CCDC38: variants seen among roughly 807,000 people sequenced by gnomAD.
CCDC38 encodes the protein coiled-coil domain-containing protein 38.
Under a neutral mutation model 72.8 loss-of-function variants are expected in CCDC38, and 69 were observed. That is an observed-to-expected ratio of 0.95 (90% CI 0.78 to 1.16). The LOEUF is 1.16. CCDC38 is among the 50% of genes most tolerant of loss of function. The probability of loss-of-function intolerance (pLI) is 0.00; values close to 1 mark genes in which losing one functional copy is unlikely to be tolerated. For synonymous variants in CCDC38, 201 were observed against 213.2 expected (o/e 0.94, Z 0.50); for missense variants, 626 against 638.9 (o/e 0.98, Z 0.22).
chr12:95,908,443 A>G (rs570195940), intron 4 of CCDC38, among the ~76,000 whole-genome samples: 4 of 45,968 alleles, frequency 8.7e-5, no homozygotes, highest in African/African-American at 7.7e-4. Context: ...AGACCGTGGA[A>G]AGAGGGAGAG....
At chr12:95,882,337 C>T (rs1330991751) in intron 10 of CCDC38, among the ~76,000 whole-genome samples, 1 of 151,956 alleles carries the variant, frequency 6.6e-6, no homozygotes, top group Non-Finnish European at 1.5e-5. Flanking sequence ...ATAGAAAGGG[C>T]TCTTGGGGCC....
intron 1 of CCDC38, 49 bp downstream of exon 1, chr12:95,942,382 T>TGGGG (rs142813926): frequency 2.0e-5 from 3 of 150,932 alleles, no homozygotes; most frequent in African/African-American, 4.9e-5. Context: ...AGCTGAGGGG[T>TGGGG]GGGAGGGGGC....
intron 15 of CCDC38, among the ~76,000 whole-genome samples, chr12:95,868,023 G>A (rs907506420): frequency 1.3e-5 from 2 of 152,118 alleles, no homozygotes; most frequent in Non-Finnish European, 2.9e-5. Context: ...TATCCTTGGG[G>A]GACTAGAATT....
chr12:95,882,834 A>G (rs2079716299), intron 10 of CCDC38, among the ~76,000 whole-genome samples: 1 of 152,310 alleles, frequency 6.6e-6, no homozygotes, highest in East Asian at 1.9e-4. Context: ...TTAGATTTCA[A>G]TGTCCAACCT....
At chr12:95,929,878 AT>A (rs1338903895) in intron 2 of CCDC38, among the ~76,000 whole-genome samples, 1 of 152,112 alleles carries the variant, frequency 6.6e-6, no homozygotes, top group Non-Finnish European at 1.5e-5. Context: ...CTAGGGGAGA[AT>A]CCTTCCACAG....
chr12:95,897,041 C>A (rs903566452), intron 7 of CCDC38, among the ~76,000 whole-genome samples: 2 of 152,152 alleles, frequency 1.3e-5, no homozygotes. Flanking sequence ...CAGCTTTAGG[C>A]TCCTAAAATA....
intron 8 of CCDC38, among the ~76,000 whole-genome samples, chr12:95,893,474 C>CTA (rs2079853203): frequency 9.8e-6 from 1 of 101,960 alleles, no homozygotes; most frequent in Non-Finnish European, 1.8e-5. Context: ...CTCTCTTTCT[C>CTA]TCTCTCTCTC....
intron 1 of CCDC38, among the ~76,000 whole-genome samples, chr12:95,942,159 A>G (rs1352553017): frequency 1.3e-5 from 2 of 152,034 alleles, no homozygotes; most frequent in South Asian, 2.1e-4. Context: ...CGCCTTTCCT[A>G]TCTTTGTATG....
intron 2 of CCDC38, among the ~76,000 whole-genome samples, chr12:95,925,525 C>G (rs1400820155): frequency 6.6e-6 from 1 of 152,208 alleles, no homozygotes; most frequent in Non-Finnish European, 1.5e-5. Context: ...AATTGAATAC[C>G]CTTTATTTCC....
At chr12:95,906,496 T>A in intron 4 of CCDC38, 45 bp from the exon 5 acceptor site, 1 of 1,305,714 alleles carries the variant, frequency 7.7e-7, no homozygotes, top group Non-Finnish European at 1.1e-6. Flanking sequence ...TCATCATCCT[T>A]AAAAATGCTG....
intron 2 of CCDC38, among the ~76,000 whole-genome samples, chr12:95,919,834 A>G (rs2080185153): frequency 6.6e-6 from 1 of 152,188 alleles, no homozygotes; most frequent in Non-Finnish European, 1.5e-5. Flanking sequence ...AAAGATAATA[A>G]AAAGTGCTGG....
intron 13 of CCDC38, among the ~76,000 whole-genome samples, chr12:95,876,657 C>T (rs1311440334): frequency 6.6e-6 from 1 of 152,160 alleles, no homozygotes; most frequent in Non-Finnish European, 1.5e-5. Flanking sequence ...ACAACCCCAT[C>T]CCCTACTAAC....
chr12:95,878,135 A>C, intron 13 of CCDC38, 76 bp downstream of exon 13: 1 of 1,519,602 alleles, frequency 6.6e-7, no homozygotes, highest in African/African-American at 1.4e-5. Flanking sequence ...TCTCCTATTC[A>C]CATACTTAGG....
chr12:95,874,551 G>T (rs2079615790), intron 13 of CCDC38, among the ~76,000 whole-genome samples: 1 of 152,206 alleles, frequency 6.6e-6, no homozygotes, highest in Non-Finnish European at 1.5e-5. Context: ...TGAGAGCCTG[G>T]CCTGACAAAG....
At chr12:95,899,253 C>G (rs2079926037) in intron 5 of CCDC38, among the ~76,000 whole-genome samples, 1 of 152,138 alleles carries the variant, frequency 6.6e-6, no homozygotes, top group African/African-American at 2.4e-5. Context: ...CTTCTAGTTC[C>G]TTCTATTTTT....
At chr12:95,890,774 A>G (rs1000978552) in intron 9 of CCDC38, 58 bp downstream of exon 9, 9 of 1,076,234 alleles carry the variant, frequency 8.4e-6, no homozygotes, top group Non-Finnish European at 1.1e-5. Context: ...CTCTGTCTCC[A>G]CTTTGAGATG....
At chr12:95,938,308 G>A (rs1238253449) in intron 1 of CCDC38, among the ~76,000 whole-genome samples, 1 of 152,126 alleles carries the variant, frequency 6.6e-6, no homozygotes, top group Non-Finnish European at 1.5e-5. Flanking sequence ...TAATACTAAA[G>A]ATTTGTAGAT....
chr12:95,903,600 T>C, intron 5 of CCDC38: 1 of 576,722 alleles, frequency 1.7e-6, no homozygotes, highest in Non-Finnish European at 3.1e-6. Context: ...CCATCAAGAA[T>C]GAATTTTGGA....
chr12:95,882,854 C>T (rs1302558029), intron 10 of CCDC38, among the ~76,000 whole-genome samples: 2 of 152,222 alleles, frequency 1.3e-5, no homozygotes, highest in Non-Finnish European at 2.9e-5. Context: ...TTCAACTGGA[C>T]ATCATTACCC....
Sources: allele counts gnomAD v4.1 joint callset (sites outside exome capture counted in the v4.1 genomes callset), GRCh38; gene constraint gnomAD v4.1.1; transcripts MANE v1.5; gene names NCBI Gene and HGNC (gene_info 2026-07-23, HGNC 2026-07-21).